CACUL1: variants seen among roughly 807,000 people sequenced by gnomAD.
The protein encoded by CACUL1 is CDK2-associated and cullin domain-containing protein 1.
A neutral mutation model predicts 45.2 loss-of-function variants in CACUL1; 13 were observed. That is an observed-to-expected ratio of 0.29 (90% CI 0.19 to 0.46). The LOEUF (loss-of-function observed/expected upper bound fraction) is 0.46, where lower values mean the gene tolerates loss of function less well. CACUL1 is among the 20% of genes least tolerant of loss of function. CACUL1 has a pLI of 1.00. For missense variants in CACUL1, 421 were observed against 471.4 expected, an observed-to-expected ratio of 0.89 and a Z score of 0.99; for synonymous variants, 197 against 174.2, an observed-to-expected ratio of 1.13 and a Z score of -1.03.
intron 1 of CACUL1, 87 bp downstream of exon 1, chr10:118,754,309 G>A (rs1845930840): frequency 2.1e-6 from 3 of 1,425,268 alleles, no homozygotes; most frequent in Non-Finnish European, 2.8e-6. Flanking sequence ...TGAAACAAAG[G>A]AAGCGGAGCT....
At chr10:118,742,337 A>G (rs1392456713) in intron 1 of CACUL1, among the ~76,000 whole-genome samples, 5 of 152,268 alleles carry the variant, frequency 3.3e-5, no homozygotes. Flanking sequence ...CAACCTTTAT[A>G]TAGTGCTTAA....
At chr10:118,705,394 T>A (rs1825673876) in intron 4 of CACUL1, among the ~76,000 whole-genome samples, 1 of 152,214 alleles carries the variant, frequency 6.6e-6, no homozygotes, top group Admixed American at 6.5e-5. Flanking sequence ...GCATTTATAG[T>A]GCTTTTCTCT....
chr10:118,678,985 T>A lies in CACUL1; in HGVS notation c.*7143A>T, dbSNP rs910984068. 4 of 152,222 alleles carry A rather than the reference T, an allele frequency of 2.6e-5. No homozygotes were observed. Among genetic ancestry groups the A allele is most frequent in the Admixed American group, 2.6e-4 (4 of 15,280 alleles). 9.4% of individuals were successfully genotyped at this position (152,222 alleles called of 1,614,324 possible). A position where few individuals can be genotyped will look rare whatever the true frequency, so the allele number is the denominator to read the frequency against. Reference sequence around the variant, plus strand: ...TGCCCATTATGTTGGTAGACTGACCTATTTCTCTTTGTAGTGTGTTCATTT... The same window carrying A: ...TGCCCATTATGTTGGTAGACTGACCAATTTCTCTTTGTAGTGTGTTCATTT... On this transcript the variant is annotated 3_prime_UTR_variant, in exon 9 of 9. Transcript: ENST00000369151.
Position 118,681,555 on chromosome 10 carries a change from C to T in CACUL1, c.*4573G>A, listed in dbSNP as rs988599949. The T allele has an allele frequency of 6.6e-5, 10 of 152,054 alleles. No individual in the cohort carries two copies. The highest frequency in any genetic ancestry group is 2.4e-4 in the African/African-American group (10 of 41,374). 9.4% of individuals were successfully genotyped at this position (152,054 alleles called of 1,614,324 possible). On this transcript the variant is annotated 3_prime_UTR_variant, in exon 9 of 9. Coordinates refer to ENST00000369151, the MANE Select transcript of CACUL1 (RefSeq NM_153810.5). ...TTTTCAAACCACAGAATTCTTAACC[C>T]CAGAGCCACACAATAAAGTTCTCAG...
chr10:118,692,162 G>A (rs1363840657), intron 6 of CACUL1, among the ~76,000 whole-genome samples: 1 of 152,028 alleles, frequency 6.6e-6, no homozygotes, highest in Admixed American at 6.5e-5. Context: ...AGCACAAAAG[G>A]TAGGAGGGAC....
chr10:118,694,111 G>A lies in CACUL1; in HGVS notation c.886+1030C>T, dbSNP rs558665557. 9.8e-4 allele frequency among the ~76,000 whole-genome samples: 149 copies of A among 152,212 alleles called. 1 individual carries two copies. Among genetic ancestry groups the A allele is most frequent in the Non-Finnish European group, 1.8e-3 (123 of 67,996 alleles). Reference sequence around the variant, plus strand: ...GATCTCCTGACCTCGTGATCTGCCCGCCTCGGCCTCCCAAAGTGCTGGGGA... The same window carrying A: ...GATCTCCTGACCTCGTGATCTGCCCACCTCGGCCTCCCAAAGTGCTGGGGA... On this transcript the variant is annotated intron_variant, in intron 6 of 8. Transcript: ENST00000369151.
Position 118,685,075 on chromosome 10 carries a change from G to A in CACUL1, c.*1053C>T, listed in dbSNP as rs1407168145. The A allele has an allele frequency of 6.6e-6, 1 of 152,128 alleles. No homozygotes were observed. The highest frequency in any genetic ancestry group is 2.4e-5 in the African/African-American group (1 of 41,428). 9.4% of individuals were successfully genotyped at this position (152,128 alleles called of 1,614,324 possible). A position where few individuals can be genotyped will look rare whatever the true frequency, so the allele number is the denominator to read the frequency against. On this transcript the variant is annotated 3_prime_UTR_variant, in exon 9 of 9. Transcript: ENST00000369151. The stretch of plus-strand genomic sequence containing the variant: ...ACTCAAATATAATGTTCAAATGACA[G>A]ACTTTTTTTAAGTAATTATCTCATT...
intron 1 of CACUL1, among the ~76,000 whole-genome samples, chr10:118,753,192 A>G (rs1845914045): frequency 6.6e-6 from 1 of 152,258 alleles, no homozygotes; most frequent in Non-Finnish European, 1.5e-5. Flanking sequence ...ACTATACAAT[A>G]TAAACATGAT....
intron 3 of CACUL1, among the ~76,000 whole-genome samples, chr10:118,717,197 A>G (rs1376138892): frequency 5.9e-5 from 9 of 152,210 alleles, no homozygotes; most frequent in Non-Finnish European, 1.3e-4. Flanking sequence ...AAATGAGAGG[A>G]GCTCTACAGG....
At chr10:118,729,651 ATAG>A (rs1464248018) in intron 2 of CACUL1, among the ~76,000 whole-genome samples, 5 of 152,222 alleles carry the variant, frequency 3.3e-5, no homozygotes, top group African/African-American at 1.2e-4. Context: ...AGAGAATCTA[ATAG>A]TAGGTGAGAA....
chr10:118,698,955 G>A (rs972564035), intron 5 of CACUL1, among the ~76,000 whole-genome samples: 1 of 152,170 alleles, frequency 6.6e-6, no homozygotes, highest in Non-Finnish European at 1.5e-5. Flanking sequence ...ATATAAAAAT[G>A]TGTAAGTAGA....
At chr10:118,706,456 T>C (rs780705073) in intron 4 of CACUL1, among the ~76,000 whole-genome samples, 2 of 152,198 alleles carry the variant, frequency 1.3e-5, no homozygotes, top group African/African-American at 4.8e-5. Context: ...TAGCCCATGA[T>C]AGGATTTCAC....
chr10:118,700,716 CAAAAAAAA>C lies in CACUL1; in HGVS notation c.796+582_796+589del, dbSNP rs59032746. The stretch of plus-strand genomic sequence containing the variant: ...TAGGCGACAGAGCGAGACTCCGTCT[CAAAAAAAA>C]AAAAAAAAAAAGAATGGGAAGAGGA... On this transcript the variant is annotated intron_variant, in intron 5 of 8. Transcript: ENST00000369151. Among the ~76,000 whole-genome samples, 77 of 132,916 alleles carry C rather than the reference CAAAAAAAA, an allele frequency of 5.8e-4. 1 individual carries two copies. In the East Asian group the frequency reaches 0.011, roughly 20 times the overall value. The allele number at this position is 132,916 out of a possible 152,430, so 87.2% of individuals were successfully genotyped here. A position where few individuals can be genotyped will look rare whatever the true frequency, so the allele number is the denominator to read the frequency against.
intron 3 of CACUL1, among the ~76,000 whole-genome samples, chr10:118,720,044 TTAGA>T (rs1269178934): frequency 1.1e-4 from 17 of 152,218 alleles, no homozygotes; most frequent in East Asian, 1.9e-4. Context: ...CAATTGAGTC[TTAGA>T]TAGAAGATAT....
intron 1 of CACUL1, among the ~76,000 whole-genome samples, chr10:118,731,333 T>G (rs1845695865): frequency 6.6e-6 from 1 of 152,234 alleles, no homozygotes; most frequent in Non-Finnish European, 1.5e-5. Flanking sequence ...GGCTCATTAC[T>G]GTCAGAGATA....
intron 3 of CACUL1, among the ~76,000 whole-genome samples, chr10:118,720,006 G>T (rs909140329): frequency 6.6e-5 from 10 of 152,002 alleles, no homozygotes; most frequent in African/African-American, 2.2e-4. Context: ...CTGTAAGCAT[G>T]GTTTTCAATT....
At chr10:118,726,049 T>G (rs1367694970) in intron 3 of CACUL1, among the ~76,000 whole-genome samples, 1 of 152,224 alleles carries the variant, frequency 6.6e-6, no homozygotes, top group Non-Finnish European at 1.5e-5. Flanking sequence ...TCTGATTATC[T>G]GCCAAATGCA....
intron 1 of CACUL1, among the ~76,000 whole-genome samples, chr10:118,750,886 T>C (rs1473843517): frequency 6.6e-6 from 1 of 152,254 alleles, no homozygotes; most frequent in Non-Finnish European, 1.5e-5. Context: ...ATGAGGTATA[T>C]GGGATATTTT....
chr10:118,691,139 T>C lies in CACUL1; in HGVS notation c.1025+126A>G, dbSNP rs1315082509. On this transcript the variant is annotated intron_variant, in intron 7 of 8. Coordinates refer to ENST00000369151, the MANE Select transcript of CACUL1 (RefSeq NM_153810.5). ...TACAGACAAGGAGCTAATGTCTTCT[T>C]GCAGCAGCAAGACTCTTGGCCAGTT... 5 of 778,888 alleles carry C rather than the reference T, an allele frequency of 6.4e-6. No homozygotes were observed. In the Admixed American group the frequency reaches 1.2e-4, roughly 18 times the overall value. 48.2% of individuals were successfully genotyped at this position (778,888 alleles called of 1,614,324 possible). A position where few individuals can be genotyped will look rare whatever the true frequency, so the allele number is the denominator to read the frequency against.
Sources: allele counts gnomAD v4.1 joint callset (sites outside exome capture counted in the v4.1 genomes callset), GRCh38; gene constraint gnomAD v4.1.1; transcripts MANE v1.5; gene names NCBI Gene and HGNC (gene_info 2026-07-23, HGNC 2026-07-21).